Variants in KCNQ3 observed in about 807,000 individuals in gnomAD.
The protein encoded by KCNQ3 is potassium voltage-gated channel subfamily KQT member 3.
Under a neutral mutation model 92.5 loss-of-function variants are expected in KCNQ3, and 30 were observed. The observed-to-expected ratio is 0.32, with a 90% CI of 0.24 to 0.44. The LOEUF (loss-of-function observed/expected upper bound fraction) is 0.44, where lower values mean the gene tolerates loss of function less well. KCNQ3 is among the 20% of genes least tolerant of loss of function. KCNQ3 has a pLI of 1.00. For missense variants in KCNQ3, 913 were observed against 1,140.3 expected, an observed-to-expected ratio of 0.80 and a Z score of 2.87; for synonymous variants, 450 against 468.8, an observed-to-expected ratio of 0.96 and a Z score of 0.52.
chr8:132,213,634 G>T (rs758199876), intron 1 of KCNQ3, among the ~76,000 whole-genome samples: 5 of 152,292 alleles, frequency 3.3e-5, no homozygotes, highest in Middle Eastern at 3.4e-3. Context: ...TTCCTCCCTG[G>T]CTCAAAGGCC....
intron 1 of KCNQ3, among the ~76,000 whole-genome samples, chr8:132,278,944 G>A (rs532542781): frequency 1.3e-5 from 2 of 152,192 alleles, no homozygotes; most frequent in South Asian, 2.1e-4. Flanking sequence ...CGTCAGGGGC[G>A]GTGACTCACG....
chr8:132,179,046 C>A, intron 4 of KCNQ3, among the ~76,000 whole-genome samples: 1 of 148,348 alleles, frequency 6.7e-6, no homozygotes, highest in African/African-American at 2.5e-5. Flanking sequence ...TGGCTTTGTA[C>A]CCCCAAAGAA....
rs758479106 is a variant in KCNQ3 at position 132,165,501 on chromosome 8, G to A, written c.1236-2007C>T. The stretch of plus-strand genomic sequence containing the variant: ...AATTCGGAGGCTTCCTTTCCCCTTC[G>A]GCATCAATACTCCCTTGCAGCCCAG... On this transcript the variant is annotated intron_variant, in intron 8 of 14. Transcript: ENST00000388996. 4.6e-5 allele frequency among the ~76,000 whole-genome samples: 7 copies of A among 152,180 alleles called. No homozygotes were observed. The South Asian group carries it at 8.3e-4, about 18-fold the overall frequency.
Position 132,448,175 on chromosome 8 carries a change from G to T in KCNQ3, c.386+31972C>A, listed in dbSNP as rs201710143. On this transcript the variant is annotated intron_variant, in intron 1 of 14. Transcript: ENST00000388996. ...TGTAGCAGCTGTCATGCCATCTTATGATCCTTTCACCCAAAGACACAGGTG... is the reference window on the plus strand; with the variant it reads ...TGTAGCAGCTGTCATGCCATCTTATTATCCTTTCACCCAAAGACACAGGTG... Among the ~76,000 whole-genome samples, 4 of 152,258 alleles carry T rather than the reference G, an allele frequency of 2.6e-5. No homozygotes were observed. The East Asian group carries it at 7.7e-4, about 29-fold the overall frequency.
chr8:132,405,091 C>T (rs1820441540), intron 1 of KCNQ3, among the ~76,000 whole-genome samples: 1 of 152,172 alleles, frequency 6.6e-6, no homozygotes, highest in Non-Finnish European at 1.5e-5. Flanking sequence ...GGGGTGAAAG[C>T]ACAACAGCAG....
chr8:132,295,679 T>C (rs945245632), intron 1 of KCNQ3, among the ~76,000 whole-genome samples: 1 of 152,200 alleles, frequency 6.6e-6, no homozygotes, highest in Admixed American at 6.5e-5. Flanking sequence ...GTGGTACATA[T>C]ACACCATGGA....
chr8:132,418,660 C>G (rs1820884298), intron 1 of KCNQ3, among the ~76,000 whole-genome samples: 1 of 152,078 alleles, frequency 6.6e-6, no homozygotes, highest in South Asian at 2.1e-4. Flanking sequence ...GTGGTGCGTG[C>G]CTGTAGTCCC....
chr8:132,179,193 T>C (rs1308774669), intron 4 of KCNQ3, among the ~76,000 whole-genome samples: 1 of 151,288 alleles, frequency 6.6e-6, no homozygotes, highest in Admixed American at 6.6e-5. Context: ...ACCAAAGACC[T>C]GGGTTAGGAA....
intron 1 of KCNQ3, among the ~76,000 whole-genome samples, chr8:132,380,392 T>C (rs1383327975): frequency 1.3e-5 from 2 of 152,190 alleles, no homozygotes; most frequent in African/African-American, 4.8e-5. Context: ...GTCACCTGCA[T>C]AGATAGGAAG....
rs543238922 is a variant in KCNQ3, at chr8:132,182,346, G to A, written c.604+1895C>T. On this transcript the variant is annotated intron_variant, in intron 3 of 14. Coordinates refer to ENST00000388996, the MANE Select transcript of KCNQ3 (RefSeq NM_004519.4). ...ACTCAAAATGGCAGGGTCCGAGGCT[G>A]CCTTGAATATGAAAGCCATCATGTT... 4.6e-5 allele frequency among the ~76,000 whole-genome samples: 7 copies of A among 152,346 alleles called. No homozygotes were observed. In the South Asian group the frequency reaches 1.4e-3, roughly 32 times the overall value.
chr8:132,273,053 C>G (rs893894904), intron 1 of KCNQ3, among the ~76,000 whole-genome samples: 2 of 152,250 alleles, frequency 1.3e-5, no homozygotes, highest in Admixed American at 1.3e-4. Flanking sequence ...ATCTACCATT[C>G]TGGGGTCTGG....
At chr8:132,237,289 T>C (rs1814848048) in intron 1 of KCNQ3, among the ~76,000 whole-genome samples, 2 of 152,054 alleles carry the variant, frequency 1.3e-5, no homozygotes, top group Admixed American at 1.3e-4. Flanking sequence ...ATGATAATCA[T>C]GATGATGATG....
intron 1 of KCNQ3, among the ~76,000 whole-genome samples, chr8:132,470,737 G>A (rs6471070): frequency 0.18 from 27,418 of 152,136 alleles, 2,984 homozygotes; most frequent in East Asian, 0.4. Flanking sequence ...CCAATCAAGA[G>A]TCAAGCACTG....
chr8:132,439,951 TC>T (rs1348568686), intron 1 of KCNQ3, among the ~76,000 whole-genome samples: 1 of 152,202 alleles, frequency 6.6e-6, no homozygotes, highest in African/African-American at 2.4e-5. Context: ...TTCTGGGACC[TC>T]CTGAGGATAT....
At chr8:132,445,803 A>T (rs1821662267) in intron 1 of KCNQ3, among the ~76,000 whole-genome samples, 1 of 152,112 alleles carries the variant, frequency 6.6e-6, no homozygotes, top group African/African-American at 2.4e-5. Flanking sequence ...GAAAATCAAG[A>T]CTCACCAAGG....
intron 1 of KCNQ3, among the ~76,000 whole-genome samples, chr8:132,447,815 T>C (rs967633284): frequency 6.6e-6 from 1 of 152,194 alleles, no homozygotes; most frequent in South Asian, 2.1e-4. Flanking sequence ...TATGTATTCC[T>C]CTGATAGAAA....
chr8:132,367,246 C>G (rs113279878), intron 1 of KCNQ3, among the ~76,000 whole-genome samples: 2,955 of 151,686 alleles, frequency 0.019, 33 homozygotes, highest in Non-Finnish European at 0.025. Flanking sequence ...TGATTTCCCA[C>G]ATCAGTATTT....
intron 1 of KCNQ3, among the ~76,000 whole-genome samples, chr8:132,327,135 A>G (rs1395428020): frequency 6.6e-6 from 1 of 152,206 alleles, no homozygotes; most frequent in Non-Finnish European, 1.5e-5. Flanking sequence ...GCATGGAGGC[A>G]GGTGCTGAAA....
intron 1 of KCNQ3, among the ~76,000 whole-genome samples, chr8:132,472,350 A>G: frequency 6.6e-6 from 1 of 152,224 alleles, no homozygotes; most frequent in East Asian, 1.9e-4. Context: ...CAAAGTAAGG[A>G]ATCAACCAAA....
Sources: allele counts gnomAD v4.1 joint callset (sites outside exome capture counted in the v4.1 genomes callset), GRCh38; gene constraint gnomAD v4.1.1; transcripts MANE v1.5; gene names NCBI Gene and HGNC (gene_info 2026-07-23, HGNC 2026-07-21).